Variants in DRC1 observed in about 807,000 individuals in gnomAD.
DRC1 encodes the protein dynein regulatory complex protein 1.
In DRC1, 74 loss-of-function variants were observed where a neutral mutation model predicts 98.7. The observed-to-expected ratio is 0.75, with a 90% confidence interval of 0.62 to 0.91. The LOEUF (loss-of-function observed/expected upper bound fraction) is 0.91, where lower values mean the gene tolerates loss of function less well. DRC1 is among the 40% of genes least tolerant of loss of function. The pLI is 0.00. For missense variants in DRC1, 875 were observed against 886.0 expected, an observed-to-expected ratio of 0.99 and a Z score of 0.16; for synonymous variants, 336 against 334.1, an observed-to-expected ratio of 1.01 and a Z score of -0.06.
chr2:26,450,414 G>A (rs564304362), intron 12 of DRC1, among the ~76,000 whole-genome samples, 178 bp from the exon 13 acceptor site: 2 of 152,334 alleles, frequency 1.3e-5, no homozygotes, highest in East Asian at 3.9e-4. Context: ...GGCTCTATGA[G>A]CATTGTTTCC....
intron 1 of DRC1, among the ~76,000 whole-genome samples, chr2:26,405,210 G>C (rs114744374): frequency 6.6e-6 from 1 of 152,294 alleles, no homozygotes; most frequent in Non-Finnish European, 1.5e-5. Context: ...GAGCACCTAT[G>C]AGTTGTATTC....
intron 7 of DRC1, among the ~76,000 whole-genome samples, chr2:26,434,263 G>T (rs918033460): frequency 6.6e-6 from 1 of 152,180 alleles, no homozygotes; most frequent in African/African-American, 2.4e-5. Context: ...TGCCAGTAAA[G>T]GTCATGTTAT....
intron 2 of DRC1, among the ~76,000 whole-genome samples, chr2:26,417,926 T>C (rs1396349985): frequency 1.3e-5 from 2 of 152,316 alleles, no homozygotes; most frequent in African/African-American, 2.4e-5. Context: ...TATAATCATA[T>C]CATCTGAAAA....
intron 16 of DRC1, among the ~76,000 whole-genome samples, chr2:26,456,232 G>A (rs759193655): frequency 6.6e-6 from 1 of 152,190 alleles, no homozygotes; most frequent in Admixed American, 6.5e-5. Context: ...GGACGGGCGG[G>A]AGATGAAGAA....
In DRC1 at chr2:26,446,600, AC is replaced by A. The variant is rs1663858220; in HGVS notation, c.1396+1653del. ...ATCAAAGTGTATCCCCTTTCTTCCA[AC>A]TTTAAAATCTTAGTGCTCAGTGACT... On this transcript the variant is annotated intron_variant, in intron 10 of 16. Coordinates refer to ENST00000288710, the MANE Select transcript of DRC1 (RefSeq NM_145038.5). 2.0e-5 allele frequency among the ~76,000 whole-genome samples: 3 copies of A among 152,116 alleles called. No homozygotes were observed. In the South Asian group the frequency reaches 6.2e-4, roughly 31 times the overall value.
chr2:26,421,852 G>T (rs769595320), intron 3 of DRC1, among the ~76,000 whole-genome samples: 1 of 152,118 alleles, frequency 6.6e-6, no homozygotes, highest in Non-Finnish European at 1.5e-5. Context: ...GAGCCACCGC[G>T]CCCGGCTATC....
intron 1 of DRC1, among the ~76,000 whole-genome samples, chr2:26,411,091 C>T (rs1033879044): frequency 3.3e-5 from 5 of 152,074 alleles, no homozygotes; most frequent in Non-Finnish European, 5.9e-5. Flanking sequence ...AAACATGGGG[C>T]GGTGGTGAGG....
At position 26,456,578 on chromosome 2, in the gene DRC1, C is replaced by G; in HGVS notation, c.*61C>G. The G allele has an allele frequency of 6.3e-7, 1 of 1,598,992 alleles. No homozygotes were observed. Among genetic ancestry groups the G allele is most frequent in the Non-Finnish European group, 8.6e-7 (1 of 1,167,274 alleles). On this transcript the variant is annotated 3_prime_UTR_variant, in exon 17 of 17. Coordinates refer to ENST00000288710, the MANE Select transcript of DRC1 (RefSeq NM_145038.5). ...CTGATGCTGGTGTCTGTGCCGGAGC[C>G]AGCTCATATCACCCACTGGGCCGCA...
intron 16 of DRC1, among the ~76,000 whole-genome samples, chr2:26,455,479 C>T (rs1664127880): frequency 6.6e-6 from 1 of 152,202 alleles, no homozygotes; most frequent in Non-Finnish European, 1.5e-5. Flanking sequence ...TTTCTGGTGC[C>T]AGTGGCCAGC....
At position 26,444,278 on chromosome 2, in the gene DRC1, T is replaced by G; in HGVS notation, c.1085T>G (p.Phe362Cys). The change falls in exon 9 of 17, where the codon TTT becomes TGT. Residue 362 changes from phenylalanine to cysteine, a missense_variant. Coordinates refer to ENST00000288710, the MANE Select transcript of DRC1 (RefSeq NM_145038.5). ...RSKYAKQIKQ[F>C]QEENQSLTSD... ...AAATATGCCAAGCAAATAAAGCAGTTTCAGGAGGAGAACCAGTCTCTAACC... is the reference window on the plus strand; with the variant it reads ...AAATATGCCAAGCAAATAAAGCAGTGTCAGGAGGAGAACCAGTCTCTAACC... 1 of 1,614,178 alleles carries G rather than the reference T, an allele frequency of 6.2e-7. No homozygotes were observed.
At position 26,402,094 on chromosome 2, in the gene DRC1, C is replaced by T; in HGVS notation, c.105C>T (p.Arg35=). ...TCCACTCCGACAACTCTCAGGAGCG[C>T]ATCCAGGCCCGGCGCCTCCGCATCG... ...PSVHSDNSQE[R]IQARRLRIAA... is the part of the protein sequence containing the mutation. Residue 35 remains arginine, a synonymous_variant, in exon 1 of 17, where the codon CGC becomes CGT. Transcript: ENST00000288710. 6.2e-7 allele frequency: 1 copy of T among 1,612,802 alleles called. No individual in the cohort carries two copies. Among genetic ancestry groups the T allele is most frequent in the East Asian group, 2.2e-5 (1 of 44,790 alleles).
At chr2:26,424,244 G>T in intron 3 of DRC1, 27 bp from the exon 4 acceptor site, 2 of 1,612,688 alleles carry the variant, frequency 1.2e-6, no homozygotes, top group Non-Finnish European at 1.7e-6. Context: ...AGCTGGGTTG[G>T]CATGGCTGGC....
Position 26,453,495 on chromosome 2 carries a change from C to T in DRC1, c.1865C>T (p.Pro622Leu). Residue 622 changes from proline (P) to leucine (L), a missense_variant, in exon 14 of 17, where the codon CCC becomes CTC. Coordinates refer to ENST00000288710, the MANE Select transcript of DRC1 (RefSeq NM_145038.5). The part of the protein sequence containing the change: ...ETPPSPWVIH[P>L]NDVLKILEAF... ...CCACCCTCCCCCTGGGTCATCCACC[C>T]CAATGATGTCCTCAAGATTCTGGAG... 1 of 1,614,128 alleles carries T rather than the reference C, an allele frequency of 6.2e-7. No individual in the cohort carries two copies. Among genetic ancestry groups the T allele is most frequent in the South Asian group, 1.1e-5 (1 of 91,076 alleles).
intron 4 of DRC1, among the ~76,000 whole-genome samples, chr2:26,428,260 A>G (rs77771143): frequency 0.037 from 5,627 of 152,340 alleles, 313 homozygotes; most frequent in African/African-American, 0.13. Flanking sequence ...ACAGTCATGC[A>G]TCACTTAATG....
At chr2:26,405,688 CT>C (rs1678401489) in intron 1 of DRC1, among the ~76,000 whole-genome samples, 2 of 114,818 alleles carry the variant, frequency 1.7e-5, no homozygotes, top group Non-Finnish European at 3.3e-5. Flanking sequence ...GAGGCCGAGT[CT>C]CACTCTGTCT....
At chr2:26,420,429 G>A (rs906011375) in intron 2 of DRC1, among the ~76,000 whole-genome samples, 2 of 149,990 alleles carry the variant, frequency 1.3e-5, no homozygotes, top group Non-Finnish European at 3.0e-5. Context: ...GTCATTACCT[G>A]CCTCACCTCC....
intron 1 of DRC1, among the ~76,000 whole-genome samples, chr2:26,410,371 A>T (rs978503641): frequency 6.6e-6 from 1 of 151,526 alleles, no homozygotes; most frequent in African/African-American, 2.4e-5. Context: ...TCCTGGGTTC[A>T]AGCAATTCTC....
At position 26,454,962 on chromosome 2, in the gene DRC1, C is replaced by A. The variant is rs1257812223; in HGVS notation, c.2064-169C>A. ...GGGGCAGTTGGCTCTTGGGCCCTGGCCTGCCTGTTCTGTTCCTGCTAACCT... is the reference window on the plus strand; with the variant it reads ...GGGGCAGTTGGCTCTTGGGCCCTGGACTGCCTGTTCTGTTCCTGCTAACCT... On this transcript the variant is annotated intron_variant, in intron 15 of 16. Transcript: ENST00000288710. The surrounding 1 kb of genome is among the most constrained non-coding windows in gnomAD (Gnocchi z 5.2). Among the ~76,000 whole-genome samples, 3 of 152,104 alleles carry A rather than the reference C, an allele frequency of 2.0e-5. No individual in the cohort carries two copies. Among genetic ancestry groups the A allele is most frequent in the Non-Finnish European group, 4.4e-5 (3 of 68,020 alleles).
intron 10 of DRC1, among the ~76,000 whole-genome samples, chr2:26,445,454 A>G (rs1663827458): frequency 6.6e-6 from 1 of 152,344 alleles, no homozygotes; most frequent in Non-Finnish European, 1.5e-5. Context: ...TTTTCAAAAT[A>G]ATGGGTTGGG....
Sources: allele counts gnomAD v4.1 joint callset (sites outside exome capture counted in the v4.1 genomes callset), GRCh38; gene constraint gnomAD v4.1.1; non-coding constraint Gnocchi (gnomAD v3.1); transcripts MANE v1.5; gene names NCBI Gene and HGNC (gene_info 2026-07-23, HGNC 2026-07-21).